The following DCC variants were observed in gnomAD, a reference collection of about 807,000 sequenced individuals.
The protein encoded by DCC is DCC netrin 1 receptor.
DCC carries 58 observed loss-of-function variants against 172.5 expected under a neutral mutation model. That is an observed-to-expected ratio of 0.34 (90% CI 0.27 to 0.42). The LOEUF is 0.42. Among genes scored for constraint, DCC ranks in the 10% least tolerant of loss-of-function variants. The probability of loss-of-function intolerance (pLI) is 1.00; values close to 1 mark genes in which losing one functional copy is unlikely to be tolerated. For missense variants in DCC, 1,740 were observed against 1,791.0 expected (o/e 0.97, Z 0.51); for synonymous variants, 709 against 644.5 (o/e 1.10, Z -1.52).
intron 1 of DCC, among the ~76,000 whole-genome samples, chr18:52,510,647 A>G (rs939419947): frequency 2.4e-4 from 37 of 152,282 alleles, no homozygotes; most frequent in African/African-American, 8.7e-4. Flanking sequence ...GGAAACCTCT[A>G]ATTAAGTCAG....
chr18:52,843,279 T>C (rs957109744), intron 2 of DCC, among the ~76,000 whole-genome samples: 3 of 152,196 alleles, frequency 2.0e-5, no homozygotes, highest in Admixed American at 2.0e-4. Context: ...GATTTAGCTT[T>C]AAGGGTATAT....
chr18:52,507,781 G>A (rs1391330992), intron 1 of DCC, among the ~76,000 whole-genome samples: 1 of 151,758 alleles, frequency 6.6e-6, no homozygotes, highest in Non-Finnish European at 1.5e-5. Context: ...TTTTTTTCTG[G>A]TTTCCCTCTG....
At chr18:52,458,917 A>G (rs1479375948) in intron 1 of DCC, among the ~76,000 whole-genome samples, 2 of 152,220 alleles carry the variant, frequency 1.3e-5, no homozygotes, top group African/African-American at 4.8e-5. Flanking sequence ...TTTGACTAGA[A>G]TAATTATGTC....
intron 18 of DCC, among the ~76,000 whole-genome samples, chr18:53,400,631 C>T (rs17415140): frequency 0.42 from 64,428 of 151,846 alleles, 15,430 homozygotes; most frequent in Non-Finnish European, 0.55. Flanking sequence ...GTGCAGTTCA[C>T]ATAATAATGC....
chr18:52,497,461 T>A (rs917737647), intron 1 of DCC, among the ~76,000 whole-genome samples: 4 of 125,408 alleles, frequency 3.2e-5, no homozygotes, highest in South Asian at 2.7e-4. Context: ...TAAGTTTTTT[T>A]AAAAAAGCAG....
At chr18:53,364,151 T>A (rs2057976718) in intron 15 of DCC, among the ~76,000 whole-genome samples, 1 of 152,138 alleles carries the variant, frequency 6.6e-6, no homozygotes, top group Non-Finnish European at 1.5e-5. Flanking sequence ...GAATAAAAAT[T>A]GTAACCTAGT....
chr18:52,571,073 A>G (rs772469437), intron 1 of DCC, among the ~76,000 whole-genome samples: 1 of 152,184 alleles, frequency 6.6e-6, no homozygotes, highest in Non-Finnish European at 1.5e-5. Context: ...TGCCACGATT[A>G]GTTACAAGGT....
chr18:52,669,620 C>T (rs77297418), intron 1 of DCC, among the ~76,000 whole-genome samples: 6,414 of 152,228 alleles, frequency 0.042, 444 homozygotes, highest in African/African-American at 0.15. Context: ...CTGCCCTCCA[C>T]ATTGGCAAAT....
intron 12 of DCC, among the ~76,000 whole-genome samples, chr18:53,255,249 T>A (rs959336757): frequency 5.3e-5 from 8 of 151,804 alleles, no homozygotes; most frequent in South Asian, 4.2e-4. Flanking sequence ...AGTTTTAGGG[T>A]ACATGTGCAC....
intron 1 of DCC, among the ~76,000 whole-genome samples, chr18:52,389,949 C>T (rs1985966205): frequency 6.6e-6 from 1 of 152,034 alleles, no homozygotes; most frequent in Non-Finnish European, 1.5e-5. Flanking sequence ...GCTTCCAGTT[C>T]AAACAAGGAG....
At chr18:53,225,782 C>A (rs975469073) in intron 12 of DCC, among the ~76,000 whole-genome samples, 2 of 152,166 alleles carry the variant, frequency 1.3e-5, no homozygotes, top group Non-Finnish European at 2.9e-5. Flanking sequence ...CTAACCAACA[C>A]AATCATGTTT....
intron 1 of DCC, among the ~76,000 whole-genome samples, chr18:52,565,866 C>A (rs1408436198): frequency 1.8e-4 from 28 of 152,050 alleles, no homozygotes; most frequent in Non-Finnish European, 5.9e-5. Context: ...TCAATTTTGG[C>A]TTTTGTTGCC....
chr18:52,371,679 G>T (rs544103960), intron 1 of DCC, among the ~76,000 whole-genome samples: 3 of 152,274 alleles, frequency 2.0e-5, no homozygotes, highest in South Asian at 2.1e-4. Context: ...TATGGAGTTC[G>T]TTTGTCATGG....
intron 1 of DCC, among the ~76,000 whole-genome samples, chr18:52,577,867 TA>T (rs953843320): frequency 2.6e-5 from 4 of 152,160 alleles, no homozygotes; most frequent in Non-Finnish European, 4.4e-5. Context: ...GGCTTAATAT[TA>T]AAAACAAGTA....
intron 12 of DCC, among the ~76,000 whole-genome samples, chr18:53,252,157 C>T (rs73957128): frequency 0.053 from 8,107 of 152,040 alleles, 700 homozygotes; most frequent in African/African-American, 0.18. Context: ...CGCTGCTTCA[C>T]ACTCTTATAC....
intron 5 of DCC, among the ~76,000 whole-genome samples, chr18:53,038,281 A>T (rs1415071436): frequency 6.6e-6 from 1 of 152,034 alleles, no homozygotes; most frequent in Non-Finnish European, 1.5e-5. Flanking sequence ...AATAATACAT[A>T]TGTAATAATT....
At position 53,079,886 on chromosome 18, in the gene DCC, G is replaced by T. The variant is rs150948458; in HGVS notation, c.1261+13720G>T. Among the ~76,000 whole-genome samples, 181 of 152,260 alleles carry T rather than the reference G, an allele frequency of 1.2e-3. 1 individual carries two copies. The highest frequency in any genetic ancestry group is 4.3e-3 in the African/African-American group (178 of 41,568). On this transcript the variant is annotated intron_variant, in intron 7 of 28. Transcript: ENST00000442544. ...AGTGAATTATGTGTGGTTCTGTAAG[G>T]CTGTAGAGATATGCAGGGGCTGGAT...
intron 1 of DCC, among the ~76,000 whole-genome samples, chr18:52,564,862 G>C (rs200698650): frequency 6.6e-6 from 1 of 152,070 alleles, no homozygotes; most frequent in African/African-American, 2.4e-5. Flanking sequence ...GTACATGAGC[G>C]CAGATTGCTT....
intron 5 of DCC, among the ~76,000 whole-genome samples, chr18:52,991,681 C>A (rs1462152835): frequency 6.6e-6 from 1 of 152,142 alleles, no homozygotes; most frequent in Non-Finnish European, 1.5e-5. Context: ...ATGCTTCCTG[C>A]TTAAACTGAT....
Sources: gnomAD v4.1 joint callset for allele counts (sites outside exome capture counted in the v4.1 genomes callset) on GRCh38, gnomAD v4.1.1 for gene constraint, MANE v1.5 for transcripts, NCBI Gene and HGNC (gene_info 2026-07-23, HGNC 2026-07-21) for gene names.